RNF185: variants seen among roughly 807,000 people sequenced by gnomAD.
RNF185 encodes the protein E3 ubiquitin-protein ligase RNF185.
In RNF185, 13 loss-of-function variants were observed where a neutral mutation model predicts 24.9. The observed-to-expected ratio is 0.52, with a 90% confidence interval of 0.34 to 0.83. The LOEUF (loss-of-function observed/expected upper bound fraction) is 0.83. RNF185 is among the 40% of genes least tolerant of loss of function. RNF185 has a pLI of 0.01. For missense variants in RNF185, 184 were observed against 244.7 expected (o/e 0.75, Z 1.65); for synonymous variants, 79 against 90.3 (o/e 0.88, Z 0.71).
chr22:31,166,667 C>T (rs1380507199), intron 1 of RNF185, among the ~76,000 whole-genome samples: 9 of 146,652 alleles, frequency 6.1e-5, no homozygotes, highest in East Asian at 2.1e-4. Context: ...TTCTTCTTCT[C>T]GAGACAGAGT....
intron 1 of RNF185, among the ~76,000 whole-genome samples, chr22:31,167,246 C>T (rs1034831994): frequency 1.3e-5 from 2 of 152,102 alleles, no homozygotes; most frequent in Admixed American, 1.3e-4. Flanking sequence ...CAACTCACTG[C>T]AGCCTCAACC....
At chr22:31,161,191 GAAC>G (rs1923552887) in intron 1 of RNF185, among the ~76,000 whole-genome samples, 1 of 152,210 alleles carries the variant, frequency 6.6e-6, no homozygotes, top group South Asian at 2.1e-4. Flanking sequence ...CTTAATAGAA[GAAC>G]TTAAATGGAA....
rs1168984473 is a variant in RNF185 at position 31,206,870 on chromosome 22, C to T, written c.*2284C>T. Reference sequence around the variant, plus strand: ...TTCTGTGTTCTTAGCCTCCACCCTCCTCCTGCCACCCTTGTGGACTAGGAC... The same window carrying T: ...TTCTGTGTTCTTAGCCTCCACCCTCTTCCTGCCACCCTTGTGGACTAGGAC... On this transcript the variant is annotated 3_prime_UTR_variant, in exon 7 of 7. Coordinates refer to ENST00000326132, the MANE Select transcript of RNF185 (RefSeq NM_152267.4). 3 of 152,302 alleles carry T rather than the reference C, an allele frequency of 2.0e-5. No homozygotes were observed. The highest frequency in any genetic ancestry group is 4.4e-5 in the Non-Finnish European group (3 of 68,082). The allele number at this position is 152,302 out of a possible 1,614,324, so 9.4% of individuals were successfully genotyped here. A position where few individuals can be genotyped will look rare whatever the true frequency, so the allele number is the denominator to read the frequency against.
chr22:31,199,067 T>G (rs953307712), intron 5 of RNF185, among the ~76,000 whole-genome samples: 2 of 147,470 alleles, frequency 1.4e-5, no homozygotes. Context: ...ACCACTGCAC[T>G]CCAGCCTTGG....
At chr22:31,179,366 T>A (rs1478841196) in intron 1 of RNF185, among the ~76,000 whole-genome samples, 1 of 152,196 alleles carries the variant, frequency 6.6e-6, no homozygotes, top group Non-Finnish European at 1.5e-5. Flanking sequence ...ATTTCTGCCA[T>A]GCCACCTTGG....
In RNF185 at chr22:31,163,515, A is replaced by G. The variant is rs567327786; in HGVS notation, c.-49+3212A>G. On this transcript the variant is annotated intron_variant, in intron 1 of 6. Transcript: ENST00000326132. ...GCTAACTTTTAGGTTTCTTGTAGAG[A>G]TGAGGTCTCACTATGTTGCCCAGGC... 1.7e-4 allele frequency among the ~76,000 whole-genome samples: 26 copies of G among 152,094 alleles called. No homozygotes were observed. In the East Asian group the frequency reaches 4.8e-3, roughly 28 times the overall value.
intron 5 of RNF185, among the ~76,000 whole-genome samples, chr22:31,198,920 C>A (rs903898635): frequency 6.7e-6 from 1 of 149,822 alleles, no homozygotes; most frequent in East Asian, 2.0e-4. Flanking sequence ...TATGGTGAAA[C>A]CCTGTCTCTG....
At chr22:31,177,850 A>G (rs974254614) in intron 1 of RNF185, among the ~76,000 whole-genome samples, 1 of 152,228 alleles carries the variant, frequency 6.6e-6, no homozygotes, top group African/African-American at 2.4e-5. Context: ...ATGAATTCCT[A>G]CAGTTCTCTA....
chr22:31,202,010 T>C (rs574370134), intron 6 of RNF185, among the ~76,000 whole-genome samples: 2 of 152,312 alleles, frequency 1.3e-5, no homozygotes, highest in Non-Finnish European at 2.9e-5. Flanking sequence ...TACTTCCCAC[T>C]TTGACCATTT....
chr22:31,174,071 T>C (rs190707878), intron 1 of RNF185, among the ~76,000 whole-genome samples: 39 of 152,362 alleles, frequency 2.6e-4, no homozygotes, highest in Non-Finnish European at 3.7e-4. Context: ...AGTACTTAAC[T>C]ATGTGCCAGG....
In RNF185 at chr22:31,187,240, C is replaced by T. The variant is rs1161449008; in HGVS notation, c.146C>T (p.Ala49Val). The stretch of plus-strand genomic sequence containing the variant: ...ATCTGCTTGGACACAGCCAAGGATG[C>T]CGTCATCAGCCTGTGTGGCCACCTC... The part of the protein sequence containing the change: ...CNICLDTAKD[A>V]VISLCGHLFC... The change falls in exon 2 of 7, where the codon GCC becomes GTC. Residue 49 changes from alanine (A) to valine (V), a missense_variant. Physicochemically the swap from Ala to Val is moderately conservative, Grantham distance 64. Coordinates refer to ENST00000326132, the MANE Select transcript of RNF185 (RefSeq NM_152267.4). 1.9e-6 allele frequency: 3 copies of T among 1,613,924 alleles called. No homozygotes were observed. The African/African-American group carries it at 4.0e-5, about 22-fold the overall frequency.
intron 1 of RNF185, among the ~76,000 whole-genome samples, chr22:31,177,525 T>C (rs908671291): frequency 1.3e-5 from 2 of 152,310 alleles, no homozygotes; most frequent in Admixed American, 6.5e-5. Context: ...AATAAACTTA[T>C]TCAGAGTTCT....
At chr22:31,164,583 CTTTTTTTTTTTTT>C (rs200649012) in intron 1 of RNF185, among the ~76,000 whole-genome samples, 1 of 91,734 alleles carries the variant, frequency 1.1e-5, no homozygotes, top group Non-Finnish European at 2.1e-5. Flanking sequence ...TCCTCATTGT[CTTTTTTTTTTTTT>C]TTTTTTTTTT....
chr22:31,162,766 C>CTTT (rs71319163), intron 1 of RNF185, among the ~76,000 whole-genome samples: 18 of 134,448 alleles, frequency 1.3e-4, no homozygotes, highest in Admixed American at 3.1e-4. Flanking sequence ...ATTTTTCTTT[C>CTTT]TTTTTTTTTT....
At chr22:31,176,747 C>G (rs922251740) in intron 1 of RNF185, among the ~76,000 whole-genome samples, 2 of 152,192 alleles carry the variant, frequency 1.3e-5, no homozygotes, top group African/African-American at 4.8e-5. Context: ...CTCAGCCTCC[C>G]AAACTGCTGA....
chr22:31,187,329 C>G, intron 2 of RNF185, 59 bp downstream of exon 2: 1 of 1,593,398 alleles, frequency 6.3e-7, no homozygotes. Flanking sequence ...AGCCTGTGGC[C>G]CTGGGTGGTT....
At chr22:31,162,977 G>C (rs1923675321) in intron 1 of RNF185, among the ~76,000 whole-genome samples, 2 of 151,846 alleles carry the variant, frequency 1.3e-5, no homozygotes, top group African/African-American at 4.8e-5. Flanking sequence ...TGTTAGCCAG[G>C]ATGGTCTTGA....
intron 1 of RNF185, among the ~76,000 whole-genome samples, chr22:31,168,449 GCTTATCCATTC>G (rs1924071207): frequency 6.6e-6 from 1 of 152,140 alleles, no homozygotes; most frequent in African/African-American, 2.4e-5. Flanking sequence ...TATGTATTTT[GCTTATCCATTC>G]ATCTGTCGAT....
chr22:31,173,416 G>GACACACAGACACACACACAC (rs71319168), intron 1 of RNF185, among the ~76,000 whole-genome samples: 2 of 146,782 alleles, frequency 1.4e-5, no homozygotes. Flanking sequence ...CACACACACA[G>GACACACAGACACACACACAC]ACACACACAC....
Sources: gnomAD v4.1 joint callset for allele counts (sites outside exome capture counted in the v4.1 genomes callset) on GRCh38, gnomAD v4.1.1 for gene constraint, MANE v1.5 for transcripts, NCBI Gene and HGNC (gene_info 2026-07-23, HGNC 2026-07-21) for gene names.